NF1: variants seen among roughly 807,000 people sequenced by gnomAD.
NF1 encodes the protein neurofibromin 1.
A neutral mutation model predicts 325.7 loss-of-function variants in NF1; 122 were observed. That is an observed-to-expected ratio of 0.37 (90% confidence interval 0.32 to 0.44). The LOEUF is 0.44. NF1 is among the 20% of genes least tolerant of loss of function. The pLI is 1.00. For synonymous variants in NF1, 1,091 were observed against 1,186.0 expected, an observed-to-expected ratio of 0.92 and a Z score of 1.65; for missense variants, 2,140 against 3,415.4, an observed-to-expected ratio of 0.63 and a Z score of 9.31.
At chr17:31,203,330 GAATAATTTTTAA>G (rs1191124549) in intron 11 of NF1, among the ~76,000 whole-genome samples, 4 of 152,112 alleles carry the variant, frequency 2.6e-5, no homozygotes, top group Non-Finnish European at 4.4e-5. Flanking sequence ...AAACTACATT[GAATAATTTTTAA>G]ACATTAAGTA....
chr17:31,191,122 G>A lies in NF1; in HGVS notation c.888+8457G>A, dbSNP rs183357220. Among the ~76,000 whole-genome samples the A allele has an allele frequency of 6.6e-5, 10 of 152,250 alleles. No homozygotes were observed. In the East Asian group the frequency reaches 1.9e-3, roughly 29 times the overall value. On this transcript the variant is annotated intron_variant, in intron 8 of 57. Transcript: ENST00000358273. ...CAGTAGATACTAGCATTAAAAATAT[G>A]TTGTAAATTTTCAAGCATAGAATGA...
rs150464852 is a variant in NF1 at position 31,151,185 on chromosome 17, G to A, written c.61-4798G>A. Among the ~76,000 whole-genome samples the A allele has an allele frequency of 4.2e-4, 64 of 152,234 alleles. No individual in the cohort carries two copies. In the East Asian group the frequency reaches 0.01, roughly 24 times the overall value. On this transcript the variant is annotated intron_variant, in intron 1 of 57. Coordinates refer to ENST00000358273, the MANE Select transcript of NF1 (RefSeq NM_001042492.3). ...ATGTTTAGATACACAAACACCATGT[G>A]TTCAAGTTGCCAAGAGTATTCAGTA...
intron 56 of NF1, 144 bp from the exon 57 acceptor site, chr17:31,360,343 T>G: frequency 1.4e-6 from 1 of 708,780 alleles, no homozygotes; most frequent in Non-Finnish European, 2.4e-6. Context: ...CTATAAATAT[T>G]ACTCCACTCC....
rs2151435504 is a variant in NF1 at position 31,233,090 on chromosome 17, A to C, written c.3585A>C (p.Thr1195=). Residue 1195 remains threonine (T), a synonymous_variant, in exon 27 of 58, where the codon ACA becomes ACC. Transcript: ENST00000358273. The part of the protein sequence containing the change: ...KILQQGTEFD[T]LAETVLADRF... ...TTCAACAAGGCACAGAATTTGACAC[A>C]CTTGCAGAAACAGTATTGGCTGATC... The C allele has an allele frequency of 6.2e-7, 1 of 1,614,202 alleles. No individual in the cohort carries two copies. The highest frequency in any genetic ancestry group is 2.2e-5 in the East Asian group (1 of 44,882).
Position 31,375,026 on chromosome 17 carries a change from A to T in NF1, c.*871A>T, listed in dbSNP as rs568276164. 2.6e-4 allele frequency: 51 copies of T among 197,550 alleles called. No homozygotes were observed. Among genetic ancestry groups the T allele is most frequent in the South Asian group, 7.6e-4 (4 of 5,234 alleles). 12.2% of individuals were successfully genotyped at this position (197,550 alleles called of 1,614,324 possible). On this transcript the variant is annotated 3_prime_UTR_variant, in exon 58 of 58. Coordinates refer to ENST00000358273, the MANE Select transcript of NF1 (RefSeq NM_001042492.3). ...AAGTATAGTAATTATATATATATATATATTTTTTCCCCTCCCCCTCTTCTT... is the reference window on the plus strand; with the variant it reads ...AAGTATAGTAATTATATATATATATTTATTTTTTCCCCTCCCCCTCTTCTT...
At chr17:31,311,117 T>G (rs2068864068) in intron 36 of NF1, among the ~76,000 whole-genome samples, 1 of 151,960 alleles carries the variant, frequency 6.6e-6, no homozygotes, top group African/African-American at 2.4e-5. Flanking sequence ...CACGCCCAAC[T>G]AATTTTTGTA....
At chr17:31,231,411 T>A (rs1377089971) in intron 24 of NF1, among the ~76,000 whole-genome samples, 3 of 152,190 alleles carry the variant, frequency 2.0e-5, no homozygotes, top group African/African-American at 7.2e-5. Context: ...AGCATTCACA[T>A]ATGTTTCTTT....
chr17:31,156,224 T>G, intron 2 of NF1, 98 bp downstream of exon 2: 1 of 1,395,386 alleles, frequency 7.2e-7, no homozygotes, highest in South Asian at 1.2e-5. Flanking sequence ...AAAGTGATTT[T>G]CTGTGGACTT....
At chr17:31,147,757 T>A (rs1042905413) in intron 1 of NF1, among the ~76,000 whole-genome samples, 3 of 152,198 alleles carry the variant, frequency 2.0e-5, no homozygotes, top group African/African-American at 7.2e-5. Flanking sequence ...ACTAGCAGAT[T>A]CTGAACTCTT....
At chr17:31,330,848 T>G (rs2069467306) in intron 39 of NF1, 1 of 207,076 alleles carries the variant, frequency 4.8e-6, no homozygotes, top group Admixed American at 5.4e-5. Flanking sequence ...CCATGTTGCC[T>G]CCTTAATTTT....
rs964879047 is a variant in NF1, at chr17:31,096,135, C to T, written c.60+766C>T. 2.0e-5 allele frequency among the ~76,000 whole-genome samples: 3 copies of T among 151,086 alleles called. 1 individual carries two copies. The highest frequency in any genetic ancestry group is 7.3e-5 in the African/African-American group (3 of 40,968). On this transcript the variant is annotated intron_variant, in intron 1 of 57. Transcript: ENST00000358273. ...TCCTTGATAATTGCAGTCTCTTCCC[C>T]CCCCCCTTTTTTTTTTGCCAGCGGT...
At chr17:31,289,035 A>G (rs1179160798) in intron 36 of NF1, among the ~76,000 whole-genome samples, 2 of 152,188 alleles carry the variant, frequency 1.3e-5, no homozygotes, top group Admixed American at 6.5e-5. Context: ...TCTTTGATCT[A>G]TGTTAATTCA....
At chr17:31,217,589 G>A (rs2066842262) in intron 13 of NF1, among the ~76,000 whole-genome samples, 1 of 152,066 alleles carries the variant, frequency 6.6e-6, no homozygotes, top group South Asian at 2.1e-4. Flanking sequence ...ACAGGCATGA[G>A]CCACCATGCC....
chr17:31,334,611 G>A (rs2069592385), intron 39 of NF1: 1 of 508,788 alleles, frequency 2.0e-6, no homozygotes, highest in South Asian at 2.5e-5. Flanking sequence ...AGGAAAATAA[G>A]ACAAAACTTT....
chr17:31,128,794 C>A (rs893685245), intron 1 of NF1, among the ~76,000 whole-genome samples: 2 of 152,072 alleles, frequency 1.3e-5, no homozygotes, highest in African/African-American at 4.8e-5. Context: ...TGGTAGCAGG[C>A]GCCTGTAGTC....
At chr17:31,313,843 T>TGAGTAATTTTA (rs2068953926) in intron 36 of NF1, 1 of 385,532 alleles carries the variant, frequency 2.6e-6, no homozygotes, top group Non-Finnish European at 4.6e-6. Flanking sequence ...TTTTTAATTC[T>TGAGTAATTTTA]ATGCAACAAA....
chr17:31,191,884 T>C (rs759568208), intron 8 of NF1, among the ~76,000 whole-genome samples: 25 of 152,224 alleles, frequency 1.6e-4, no homozygotes, highest in Non-Finnish European at 3.2e-4. Context: ...ACAGTTCATA[T>C]GTTTCTTTGC....
intron 36 of NF1, chr17:31,294,917 A>G (rs1008489189): frequency 1.1e-5 from 17 of 1,540,114 alleles, no homozygotes; most frequent in African/African-American, 1.4e-5. Flanking sequence ...GAATACTTAA[A>G]TATAGCTCGA....
intron 13 of NF1, among the ~76,000 whole-genome samples, chr17:31,215,459 A>G (rs2066804344): frequency 1.3e-5 from 2 of 152,190 alleles, no homozygotes; most frequent in Non-Finnish European, 2.9e-5. Context: ...TTGGATGACT[A>G]TTTAATCTTT....
Sources: gnomAD v4.1 joint callset for allele counts (sites outside exome capture counted in the v4.1 genomes callset) on GRCh38, gnomAD v4.1.1 for gene constraint, MANE v1.5 for transcripts, NCBI Gene and HGNC (gene_info 2026-07-23, HGNC 2026-07-21) for gene names.